Variants in ERCC3 observed in about 807,000 individuals in gnomAD.
ERCC3 encodes the protein ERCC excision repair 3, TFIIH core complex helicase subunit, also known as general transcription and DNA repair factor IIH helicase/translocase subunit XPB.
ERCC3 carries 66 observed loss-of-function variants against 94.2 expected under a neutral mutation model. That is an observed-to-expected ratio of 0.70 (90% CI 0.57 to 0.86). The LOEUF is 0.86. ERCC3 is among the 40% of genes least tolerant of loss of function. The pLI, the probability that ERCC3 is intolerant of heterozygous loss-of-function variation, is 0.00. For missense variants in ERCC3, 829 were observed against 987.1 expected (o/e 0.84, Z 2.15); for synonymous variants, 349 against 369.1 (o/e 0.95, Z 0.63).
intron 3 of ERCC3, 98 bp downstream of exon 3, chr2:127,292,512 A>C (rs1685305931): frequency 2.4e-6 from 2 of 844,616 alleles, no homozygotes; most frequent in Non-Finnish European, 4.1e-6. Flanking sequence ...TCTGAATGGC[A>C]CATTCTCATG....
chr2:127,278,179 C>T (rs1021950649), intron 10 of ERCC3, among the ~76,000 whole-genome samples: 2 of 151,190 alleles, frequency 1.3e-5, no homozygotes, highest in African/African-American at 4.9e-5. Flanking sequence ...TCAAGGCTGC[C>T]GTGAGCCGTG....
intron 3 of ERCC3, 79 bp from the exon 4 acceptor site, chr2:127,290,352 TACCA>T: frequency 8.5e-7 from 1 of 1,177,700 alleles, no homozygotes; most frequent in South Asian, 1.2e-5. Context: ...ATCTTACACC[TACCA>T]ACCAAGTGAA....
chr2:127,289,310 A>G, intron 6 of ERCC3, 27 bp downstream of exon 6: 1 of 1,607,852 alleles, frequency 6.2e-7, no homozygotes. Context: ...TCAGTGAAGG[A>G]ACCAGGAGGA....
Position 127,294,060 on chromosome 2 carries a change from C to A in ERCC3, c.22G>T (p.Asp8Tyr). 1 of 1,607,598 alleles carries A rather than the reference C, an allele frequency of 6.2e-7. No homozygotes were observed. The highest frequency in any genetic ancestry group is 8.5e-7 in the Non-Finnish European group (1 of 1,179,484). The stretch of plus-strand genomic sequence containing the variant: ...TGCCCGCGCAACGTCTCACCGCGGT[C>A]CGCTCGGTCTCTTTTGCCCATGGCA... MGKRDRA[D>Y]RDKKKSRKRH... Residue 8 changes from aspartate (D) to tyrosine (Y), a missense_variant, in exon 1 of 15, where the codon GAC becomes TAC. Physicochemically the swap from Asp to Tyr is radical, Grantham distance 160. Transcript: ENST00000285398.
intron 7 of ERCC3, among the ~76,000 whole-genome samples, chr2:127,287,524 C>G (rs1254209631): frequency 6.6e-6 from 1 of 152,106 alleles, no homozygotes; most frequent in Non-Finnish European, 1.5e-5. Context: ...ATCCCGGTCA[C>G]TTGGGAGGCT....
In ERCC3 at chr2:127,258,308, A is replaced by C. The variant is rs1368680519; in HGVS notation, c.2218-581T>G. On this transcript the variant is annotated intron_variant, in intron 14 of 14. Transcript: ENST00000285398. The surrounding 1 kb of genome is among the most constrained non-coding windows in gnomAD (Gnocchi z 4.1). ...GACACCACCATAAGGCTTTGAATCA[A>C]GTGGAAGGACAGAAAGCCCTGGGCT... Among the ~76,000 whole-genome samples, 1 of 152,176 alleles carries C rather than the reference A, an allele frequency of 6.6e-6. No individual in the cohort carries two copies. The highest frequency in any genetic ancestry group is 2.4e-5 in the African/African-American group (1 of 41,436).
chr2:127,260,480 G>A (rs759051468), intron 13 of ERCC3: 1 of 152,356 alleles, frequency 6.6e-6, no homozygotes, highest in Non-Finnish European at 1.5e-5. Context: ...CAGCATGAGA[G>A]GTCTGAAGTG....
In ERCC3 at chr2:127,292,593, T is replaced by C; in HGVS notation, c.471+17A>G. On this transcript the variant is annotated intron_variant, in intron 3 of 14. Coordinates refer to ENST00000285398, the MANE Select transcript of ERCC3 (RefSeq NM_000122.2). ...TTAGCAGGGCAGGTGGAATTGCTGG[T>C]CTCAGCTGTCACTTGCCTTAATAAA... 1 of 1,505,160 alleles carries C rather than the reference T, an allele frequency of 6.6e-7. No homozygotes were observed. The highest frequency in any genetic ancestry group is 9.2e-7 in the Non-Finnish European group (1 of 1,081,190). The allele number at this position is 1,505,160 out of a possible 1,614,324, so 93.2% of individuals were successfully genotyped here.
chr2:127,273,693 G>T (rs1684640313), intron 10 of ERCC3, among the ~76,000 whole-genome samples: 1 of 139,456 alleles, frequency 7.2e-6, no homozygotes. Flanking sequence ...AGGTTGTGGT[G>T]AGCCGAGATC....
chr2:127,293,915 A>G, intron 1 of ERCC3, 139 bp downstream of exon 1: 1 of 1,527,470 alleles, frequency 6.5e-7, no homozygotes, highest in Non-Finnish European at 8.8e-7. Context: ...TCTCCCGCCC[A>G]AAGGCCTGTC....
intron 4 of ERCC3, 132 bp downstream of exon 4, chr2:127,290,092 T>C: frequency 1.2e-6 from 1 of 860,030 alleles, no homozygotes. Context: ...CCACATCTCT[T>C]GTTTCTCTTC....
intron 2 of ERCC3, 83 bp downstream of exon 2, chr2:127,293,430 T>A (rs1278648369): frequency 3.2e-6 from 4 of 1,261,512 alleles, no homozygotes; most frequent in Non-Finnish European, 3.4e-6. Flanking sequence ...ATCCTGAATG[T>A]CAGTTTTGAC....
At position 127,261,025 on chromosome 2, in the gene ERCC3, ACCTCAGTCCTG is replaced by A. The variant is rs1041304727; in HGVS notation, c.2064+192_2064+202del. 105 of 593,638 alleles carry A rather than the reference ACCTCAGTCCTG, an allele frequency of 1.8e-4. 1 individual carries two copies. Among genetic ancestry groups the A allele is most frequent in the African/African-American group, 1.7e-3 (95 of 54,294 alleles). The allele number at this position is 593,638 out of a possible 1,614,324, so 36.8% of individuals were successfully genotyped here. A position where few individuals can be genotyped will look rare whatever the true frequency, so the allele number is the denominator to read the frequency against. ...ACAGTGCTGGTCATAGTGCCATGGC[ACCTCAGTCCTG>A]CCAGGACGGCACACTTTCCACCAAC... is the stretch of plus-strand genomic sequence containing the variant. On this transcript the variant is annotated intron_variant, in intron 13 of 14. Coordinates refer to ENST00000285398, the MANE Select transcript of ERCC3 (RefSeq NM_000122.2).
At chr2:127,267,829 T>C (rs189026429) in intron 12 of ERCC3, among the ~76,000 whole-genome samples, 147 of 152,346 alleles carry the variant, frequency 9.6e-4, no homozygotes, top group African/African-American at 3.5e-3. Flanking sequence ...GTTGCTTGTC[T>C]GGGAAAGATT....
rs752371255 is a variant in ERCC3 at position 127,292,862 on chromosome 2, T to C, written c.235-16A>G. 2.0e-6 allele frequency: 3 copies of C among 1,510,582 alleles called. No homozygotes were observed. The highest frequency in any genetic ancestry group is 1.7e-5 in the Admixed American group (1 of 59,838). 93.6% of individuals were successfully genotyped at this position (1,510,582 alleles called of 1,614,324 possible). On this transcript the variant is annotated splice_polypyrimidine_tract_variant and intron_variant, in intron 2 of 14. Transcript: ENST00000285398. ...CATCGGGAGCCTGAGAGATACCAAA[T>C]GGACAAAACAGACAAGGAAACATGA...
At position 127,294,047 on chromosome 2, in the gene ERCC3, G is replaced by A. The variant is rs1326454557; in HGVS notation, c.28+7C>T. The A allele has an allele frequency of 3.7e-6, 6 of 1,606,044 alleles. No homozygotes were observed. In the South Asian group the frequency reaches 6.6e-5, roughly 18 times the overall value. On this transcript the variant is annotated splice_region_variant and intron_variant, in intron 1 of 14. Transcript: ENST00000285398. ...TCGTGGCTGAGCGTGCCCGCGCAAC[G>A]TCTCACCGCGGTCCGCTCGGTCTCT...
intron 11 of ERCC3, 44 bp downstream of exon 11, chr2:127,272,821 C>T (rs929424658): frequency 1.6e-6 from 2 of 1,215,094 alleles, no homozygotes; most frequent in Admixed American, 3.4e-5. Flanking sequence ...CCCAGGTCCC[C>T]AGAGTGCTAG....
intron 7 of ERCC3, among the ~76,000 whole-genome samples, chr2:127,287,746 C>A (rs1249775924): frequency 6.6e-6 from 1 of 152,152 alleles, no homozygotes; most frequent in Non-Finnish European, 1.5e-5. Flanking sequence ...CAGAAGGAGG[C>A]ACTCGGCAAA....
chr2:127,263,244 T>C (rs1684250280), intron 12 of ERCC3, among the ~76,000 whole-genome samples: 1 of 152,264 alleles, frequency 6.6e-6, no homozygotes, highest in African/African-American at 2.4e-5. Context: ...TAGATTGTTT[T>C]GGGCAGTTTG....
Sources: allele counts gnomAD v4.1 joint callset (sites outside exome capture counted in the v4.1 genomes callset), GRCh38; gene constraint gnomAD v4.1.1; non-coding constraint Gnocchi (gnomAD v3.1); transcripts MANE v1.5; gene names NCBI Gene and HGNC (gene_info 2026-07-23, HGNC 2026-07-21).